Variants in TUT7 observed in about 807,000 individuals in gnomAD.
The protein encoded by TUT7 is terminal uridylyltransferase 7.
In TUT7, 33 loss-of-function variants were observed where a neutral mutation model predicts 165.9. The ratio of observed to expected loss-of-function variants is 0.20; its 90% CI spans 0.15 to 0.27. The LOEUF (loss-of-function observed/expected upper bound fraction) is 0.27. Ranked by LOEUF, TUT7 falls within the 10% of genes least tolerant of loss-of-function variation. TUT7 has a pLI of 1.00. For synonymous variants in TUT7, 552 were observed against 608.1 expected (o/e 0.91, Z 1.36); for missense variants, 1,338 against 1,762.3 (o/e 0.76, Z 4.31).
intron 8 of TUT7, among the ~76,000 whole-genome samples, chr9:86,339,264 C>T (rs1370008007): frequency 1.3e-5 from 2 of 152,118 alleles, no homozygotes; most frequent in African/African-American, 2.4e-5. Context: ...TGGTGGCTCA[C>T]GCCTGTAATC....
At chr9:86,300,203 T>C (rs973575180) in intron 26 of TUT7, among the ~76,000 whole-genome samples, 5 of 152,196 alleles carry the variant, frequency 3.3e-5, no homozygotes, top group Admixed American at 6.5e-5. Flanking sequence ...TTTTTAAGTA[T>C]TTTGATCTTT....
At chr9:86,303,837 T>C (rs1827189288) in intron 24 of TUT7, among the ~76,000 whole-genome samples, 2 of 152,202 alleles carry the variant, frequency 1.3e-5, no homozygotes, top group African/African-American at 4.8e-5. Context: ...TCAGGTGATT[T>C]GTTCGAACAA....
chr9:86,315,217 T>G (rs561969400), intron 17 of TUT7, among the ~76,000 whole-genome samples: 1 of 152,366 alleles, frequency 6.6e-6, no homozygotes, highest in African/African-American at 2.4e-5. Flanking sequence ...GATATGAAGT[T>G]TTAAACACAG....
At chr9:86,339,992 G>T in intron 8 of TUT7, 44 bp downstream of exon 8, 1 of 1,484,072 alleles carries the variant, frequency 6.7e-7, no homozygotes, top group Non-Finnish European at 9.4e-7. Flanking sequence ...TTGTGCTTTT[G>T]GCAAGTTGAG....
chr9:86,340,592 T>C (rs1831241937), intron 7 of TUT7, among the ~76,000 whole-genome samples: 1 of 152,236 alleles, frequency 6.6e-6, no homozygotes, highest in African/African-American at 2.4e-5. Context: ...AGACAACTGA[T>C]AAACCTAAAT....
At chr9:86,343,036 T>G (rs753707899) in intron 6 of TUT7, 39 bp downstream of exon 6, 1 of 1,279,832 alleles carries the variant, frequency 7.8e-7, no homozygotes, top group Non-Finnish European at 1.1e-6. Flanking sequence ...AGAATTTCCA[T>G]ACCACTCTGA....
rs1830005773 is a variant in TUT7 at position 86,328,452 on chromosome 9, A to G, written c.1496T>C (p.Leu499Pro). 6.2e-7 allele frequency: 1 copy of G among 1,611,788 alleles called. No individual in the cohort carries two copies. Among genetic ancestry groups the G allele is most frequent in the Non-Finnish European group, 8.5e-7 (1 of 1,178,990 alleles). The change falls in exon 11 of 27, where the codon CTT (leucine) becomes CCT (proline). Residue 499 changes from leucine (L) to proline (P), a missense_variant. Leu to Pro is a moderately conservative substitution (Grantham distance 98). Around this residue, in one of 7 missense-constraint regions of TUT7, gnomAD observed 74 missense variants for 128.5 expected, o/e 0.58. Coordinates refer to ENST00000375963, the MANE Select transcript of TUT7 (RefSeq NM_024617.4). ...FSLSKLGNFN[L>P]QDIEKDVVIW... The stretch of plus-strand genomic sequence containing the variant: ...CACAACATCTTTTTCAATGTCTTGA[A>G]GGTTGAAATTCCCTAGTTTGCTTAA...
intron 16 of TUT7, 74 bp downstream of exon 16, chr9:86,318,884 C>A (rs1215043633): frequency 8.2e-6 from 10 of 1,214,020 alleles, no homozygotes; most frequent in Non-Finnish European, 1.2e-5. Flanking sequence ...TGGAAAATAC[C>A]AAGCTGTAAT....
At chr9:86,331,156 G>C (rs962783789) in intron 10 of TUT7, among the ~76,000 whole-genome samples, 1 of 152,034 alleles carries the variant, frequency 6.6e-6, no homozygotes, top group Non-Finnish European at 1.5e-5. Context: ...TTAAGAACCA[G>C]CATAGGCCCT....
In TUT7 at chr9:86,288,691, G is replaced by C; in HGVS notation, c.4474C>G (p.Gln1492Glu). The change falls in exon 27 of 27, where the codon CAG (glutamine) becomes GAG (glutamate). Residue 1492 changes from glutamine (Q) to glutamate (E), a missense_variant. Physicochemically the swap from Gln to Glu is conservative, Grantham distance 29. Coordinates refer to ENST00000375963, the MANE Select transcript of TUT7 (RefSeq NM_024617.4). ...TTTTCCTTCCCTCATGATTCCTGCT[G>C]GGTCCTCTTCGCTGAGGCTTTTCCC... ...TQGKASAKRT[Q>E]QES 1 of 1,613,772 alleles carries C rather than the reference G, an allele frequency of 6.2e-7. No individual in the cohort carries two copies. Among genetic ancestry groups the C allele is most frequent in the Non-Finnish European group, 8.5e-7 (1 of 1,179,818 alleles).
Position 86,346,368 on chromosome 9 carries a change from C to T in TUT7, c.633G>A (p.Thr211=), listed in dbSNP as rs148672178. 15 of 1,614,152 alleles carry T rather than the reference C, an allele frequency of 9.3e-6. No individual in the cohort carries two copies. In the East Asian group the frequency reaches 1.8e-4, roughly 19 times the overall value. Residue 211 remains threonine (T), a synonymous_variant, in exon 3 of 27, where the codon ACG becomes ACA. Coordinates refer to ENST00000375963, the MANE Select transcript of TUT7 (RefSeq NM_024617.4). ...CCTGCTGTAAGCCTAGCAGCTCCTT[C>T]GTTGAAAGTACAGACTCATCGATCA... ...GPVIDESVLS[T]KELLGLQQAE... is the part of the protein sequence containing the mutation.
chr9:86,320,106 T>G (rs1829104597), intron 14 of TUT7, among the ~76,000 whole-genome samples: 1 of 152,172 alleles, frequency 6.6e-6, no homozygotes, highest in South Asian at 2.1e-4. Context: ...CTGGGTTTCC[T>G]GAAAGACACC....
intron 21 of TUT7, among the ~76,000 whole-genome samples, 195 bp downstream of exon 21, chr9:86,309,017 T>A (rs1409739120): frequency 6.6e-6 from 1 of 152,172 alleles, no homozygotes; most frequent in Non-Finnish European, 1.5e-5. Context: ...AAATACTGGA[T>A]ATAGGCCCTA....
Position 86,311,928 on chromosome 9 carries a change from G to A in TUT7, c.3275-1119C>T, listed in dbSNP as rs1828129261. 6.6e-6 allele frequency among the ~76,000 whole-genome samples: 1 copy of A among 152,190 alleles called. No homozygotes were observed. The highest frequency in any genetic ancestry group is 1.5e-5 in the Non-Finnish European group (1 of 68,048). On this transcript the variant is annotated intron_variant, in intron 17 of 26. Coordinates refer to ENST00000375963, the MANE Select transcript of TUT7 (RefSeq NM_024617.4). This position sits in a 1 kb window ranked among gnomAD's most constrained non-coding sequence, Gnocchi z 4.4. ...GAGTCTCGTTCACTCAGTGCTCAATGGTGCCCAGGCTGGAGTGCAGTGGCG... is the reference window on the plus strand; with the variant it reads ...GAGTCTCGTTCACTCAGTGCTCAATAGTGCCCAGGCTGGAGTGCAGTGGCG...
intron 19 of TUT7, 66 bp downstream of exon 19, chr9:86,309,862 T>C: frequency 7.0e-7 from 1 of 1,429,388 alleles, no homozygotes; most frequent in East Asian, 2.3e-5. Context: ...AATAGATTTA[T>C]GTTTTCAACA....
Position 86,311,679 on chromosome 9 carries a change from G to A in TUT7, c.3275-870C>T, listed in dbSNP as rs1308410623. On this transcript the variant is annotated intron_variant, in intron 17 of 26. Coordinates refer to ENST00000375963, the MANE Select transcript of TUT7 (RefSeq NM_024617.4). The surrounding 1 kb of genome is among the most constrained non-coding windows in gnomAD (Gnocchi z 4.4). ...CTCCCTCTGATGCCGAGCCGAAGCTGGACTGTACCGCTGCCATCTCGGCTC... is the reference window on the plus strand; with the variant it reads ...CTCCCTCTGATGCCGAGCCGAAGCTAGACTGTACCGCTGCCATCTCGGCTC... Among the ~76,000 whole-genome samples, 2 of 152,140 alleles carry A rather than the reference G, an allele frequency of 1.3e-5. No homozygotes were observed. The highest frequency in any genetic ancestry group is 2.9e-5 in the Non-Finnish European group (2 of 68,030).
intron 10 of TUT7, among the ~76,000 whole-genome samples, chr9:86,332,729 A>G (rs1830432189): frequency 6.6e-6 from 1 of 152,170 alleles, no homozygotes; most frequent in Non-Finnish European, 1.5e-5. Flanking sequence ...CTGGTAATCT[A>G]TGCTTTTTAG....
chr9:86,336,198 A>G (rs1830760753), intron 10 of TUT7, among the ~76,000 whole-genome samples: 1 of 152,160 alleles, frequency 6.6e-6, no homozygotes, highest in Admixed American at 6.5e-5. Flanking sequence ...ATTTAATCCT[A>G]TCCTAAATTC....
Position 86,322,474 on chromosome 9 carries a change from G to A in TUT7, c.2879C>T (p.Ser960Phe). Residue 960 changes from serine to phenylalanine, a missense_variant and splice_region_variant, in exon 14 of 27, where the codon TCT becomes TTT. Around this residue, in one of 7 missense-constraint regions of TUT7, gnomAD observed 425 missense variants for 474.9 expected, o/e 0.89. Coordinates refer to ENST00000375963, the MANE Select transcript of TUT7 (RefSeq NM_024617.4). Reference protein sequence around the residue: ...FSKLIFTKGKSPTVVCSLCKR... With the variant: ...FSKLIFTKGKFPTVVCSLCKR... Reference sequence around the variant, plus strand: ...GCATAAGCTGCACACTACCGTAGGAGACTGCAGGAATATGGCAAAGCAAAA... The same window carrying A: ...GCATAAGCTGCACACTACCGTAGGAAACTGCAGGAATATGGCAAAGCAAAA... The A allele has an allele frequency of 6.2e-7, 1 of 1,608,368 alleles. No homozygotes were observed. The highest frequency in any genetic ancestry group is 1.3e-5 in the African/African-American group (1 of 74,626).
Sources: allele counts gnomAD v4.1 joint callset (sites outside exome capture counted in the v4.1 genomes callset), GRCh38; gene constraint gnomAD v4.1.1; regional missense constraint gnomAD v4.1.1; non-coding constraint Gnocchi (gnomAD v3.1); transcripts MANE v1.5; gene names NCBI Gene and HGNC (gene_info 2026-07-23, HGNC 2026-07-21).